Variants in PI4KA observed in about 807,000 individuals in gnomAD.
PI4KA encodes the protein phosphatidylinositol 4-kinase alpha, also known as PI4-kinase alpha.
A neutral mutation model predicts 271.4 loss-of-function variants in PI4KA; 122 were observed. The observed-to-expected ratio is 0.45, with a 90% CI of 0.39 to 0.52. PI4KA has a LOEUF of 0.52. PI4KA is among the 20% of genes least tolerant of loss of function. The probability of loss-of-function intolerance (pLI) is 0.00; values close to 1 mark genes in which losing one functional copy is unlikely to be tolerated. For missense variants in PI4KA, 1,969 were observed against 2,769.1 expected, an observed-to-expected ratio of 0.71 and a Z score of 6.48; for synonymous variants, 1,041 against 1,078.8, an observed-to-expected ratio of 0.96 and a Z score of 0.69.
At chr22:20,730,331 A>G (rs1214072658) in intron 36 of PI4KA, among the ~76,000 whole-genome samples, 1 of 151,992 alleles carries the variant, frequency 6.6e-6, no homozygotes, top group African/African-American at 2.4e-5. Flanking sequence ...GTGGAGTGCA[A>G]TGACGTGATC....
rs763087074 is a variant in PI4KA at position 20,770,534 on chromosome 22, A to AAAAAG, written c.2329-4842_2329-4841insCTTTT. 2.0e-4 allele frequency among the ~76,000 whole-genome samples: 15 copies of AAAAAG among 76,744 alleles called. 1 individual carries two copies. The highest frequency in any genetic ancestry group is 7.7e-4 in the South Asian group (2 of 2,596). 50.3% of individuals were successfully genotyped at this position (76,744 alleles called of 152,430 possible). On this transcript the variant is annotated intron_variant, in intron 19 of 54. Transcript: ENST00000255882. Reference sequence around the variant, plus strand: ...GTCTCAAAAAAAAAAAAAAAAAAAGAGAGAGAGAGAGATCGGTTTTGCTAT... The same window carrying AAAAAG: ...GTCTCAAAAAAAAAAAAAAAAAAAGAAAAAGGAGAGAGAGAGATCGGTTTTGCTAT...
chr22:20,717,268 T>C (rs946691873), intron 45 of PI4KA, among the ~76,000 whole-genome samples: 1 of 152,340 alleles, frequency 6.6e-6, no homozygotes, highest in East Asian at 1.9e-4. Flanking sequence ...AATTCCCATG[T>C]GGCCACAGCC....
At chr22:20,847,283 T>G (rs967537211) in intron 1 of PI4KA, among the ~76,000 whole-genome samples, 4 of 151,756 alleles carry the variant, frequency 2.6e-5, no homozygotes, top group African/African-American at 9.7e-5. Flanking sequence ...AAATAAAAGT[T>G]GAAGAAAAAT....
At chr22:20,815,051 T>C (rs928887471) in intron 7 of PI4KA, among the ~76,000 whole-genome samples, 5 of 151,912 alleles carry the variant, frequency 3.3e-5, no homozygotes, top group Non-Finnish European at 7.4e-5. Context: ...CCCAAAAGCA[T>C]ATAATTGTTT....
Position 20,814,212 on chromosome 22 carries a change from G to A in PI4KA, c.857-706C>T, listed in dbSNP as rs566319894. On this transcript the variant is annotated intron_variant, in intron 7 of 54. Coordinates refer to ENST00000255882, the MANE Select transcript of PI4KA (RefSeq NM_058004.4). ...AATGCACACTACTAGAAGTTTCAAA[G>A]TCAGAGCAACTAAGTGAAATACACC... Among the ~76,000 whole-genome samples, 188 of 152,156 alleles carry A rather than the reference G, an allele frequency of 1.2e-3. 1 individual carries two copies. The highest frequency in any genetic ancestry group is 4.4e-3 in the African/African-American group (183 of 41,514).
intron 18 of PI4KA, among the ~76,000 whole-genome samples, chr22:20,795,774 C>T (rs1203022859): frequency 6.6e-6 from 1 of 152,054 alleles, no homozygotes; most frequent in Non-Finnish European, 1.5e-5. Flanking sequence ...CTCATGTTGC[C>T]ACTGTGTTCT....
At chr22:20,797,783 A>G (rs165622) in intron 17 of PI4KA, among the ~76,000 whole-genome samples, 74,056 of 151,996 alleles carry the variant, frequency 0.49, 18,566 homozygotes, top group African/African-American at 0.59. Context: ...CTAAACTGAC[A>G]TGGAGAGAAT....
At position 20,719,034 on chromosome 22, in the gene PI4KA, G is replaced by A. The variant is rs1057034085; in HGVS notation, c.5117-212C>T. Among the ~76,000 whole-genome samples the A allele has an allele frequency of 6.6e-5, 10 of 152,210 alleles. No homozygotes were observed. In the East Asian group the frequency reaches 1.7e-3, roughly 26 times the overall value. On this transcript the variant is annotated intron_variant, in intron 43 of 54. Coordinates refer to ENST00000255882, the MANE Select transcript of PI4KA (RefSeq NM_058004.4). ...AGCTGGTGCCTAAGCGGAGCTCAAG[G>A]CAGGGGCCAAGCGCACAAGTGGACG...
intron 42 of PI4KA, among the ~76,000 whole-genome samples, chr22:20,722,182 T>G (rs950341367): frequency 4.6e-5 from 7 of 151,942 alleles, no homozygotes; most frequent in African/African-American, 1.7e-4. Context: ...TCGGGAAGTT[T>G]TTTTGTTTGT....
rs745625638 is a variant in PI4KA at position 20,718,796 on chromosome 22, A to G, written c.5143T>C (p.Leu1715=). 1.9e-6 allele frequency: 3 copies of G among 1,613,874 alleles called. No individual in the cohort carries two copies. Among genetic ancestry groups the G allele is most frequent in the East Asian group, 2.2e-5 (1 of 44,884 alleles). ...AAGGAGCCTGTGATCTCCTCTACCAACTGATCCAGGAGGTCGCCGATGTCA... is the reference window on the plus strand; with the variant it reads ...AAGGAGCCTGTGATCTCCTCTACCAGCTGATCCAGGAGGTCGCCGATGTCA... ...DPDIGDLLDQ[L]VEEITGSLSG... The change falls in exon 44 of 55, where the codon TTG becomes CTG. Residue 1715 remains leucine, a synonymous_variant. Transcript: ENST00000255882.
chr22:20,802,044 G>A lies in PI4KA; in HGVS notation c.1653C>T (p.Val551=). 6.2e-7 allele frequency: 1 copy of A among 1,614,048 alleles called. No homozygotes were observed. Among genetic ancestry groups the A allele is most frequent in the South Asian group, 1.1e-5 (1 of 91,076 alleles). ...TNEHSESTLN[V]MSGKKSQPSM... ...AGGGCTGGCTCTTCTTACCCGACAT[G>A]ACGTTCAGGGTTGACTCGGAATGCT... is the stretch of plus-strand genomic sequence containing the variant. Residue 551 remains valine (V), a synonymous_variant, in exon 14 of 55, where the codon GTC becomes GTT. Coordinates refer to ENST00000255882, the MANE Select transcript of PI4KA (RefSeq NM_058004.4).
chr22:20,821,286 T>A (rs1241456792), intron 4 of PI4KA, among the ~76,000 whole-genome samples: 1 of 151,770 alleles, frequency 6.6e-6, no homozygotes, highest in Non-Finnish European at 1.5e-5. Flanking sequence ...TGGCATGATC[T>A]TGGCTTACTG....
At chr22:20,790,655 T>G (rs1215289198) in intron 19 of PI4KA, among the ~76,000 whole-genome samples, 1 of 150,192 alleles carries the variant, frequency 6.7e-6, no homozygotes, top group Admixed American at 6.7e-5. Flanking sequence ...AGTGAGACTC[T>G]GTCTCAAAAA....
chr22:20,846,724 T>A (rs961578589), intron 1 of PI4KA, among the ~76,000 whole-genome samples: 3 of 149,766 alleles, frequency 2.0e-5, no homozygotes, highest in Non-Finnish European at 4.4e-5. Flanking sequence ...GCGTCTGTAG[T>A]CCCAGCTAAT....
Position 20,805,031 on chromosome 22 carries a change from A to T in PI4KA, c.1303T>A (p.Cys435Ser). The change falls in exon 11 of 55, where the codon TGT becomes AGT. Residue 435 changes from cysteine (C) to serine (S), a missense_variant. Cys to Ser is a moderately radical substitution (Grantham distance 112, BLOSUM62 -1). Around this residue, in one of 13 missense-constraint regions of PI4KA, gnomAD observed 540 missense variants for 555.5 expected, o/e 0.97. Coordinates refer to ENST00000255882, the MANE Select transcript of PI4KA (RefSeq NM_058004.4). ...HNELSPLKLR[C>S]QANAACVDLM... ...TCCACACAGGCAGCATTCGCCTGAC[A>T]GCGCAGTTTGAGGGGGCTCAGCTCA... 2 of 1,614,180 alleles carry T rather than the reference A, an allele frequency of 1.2e-6. No homozygotes were observed. Among genetic ancestry groups the T allele is most frequent in the Non-Finnish European group, 1.7e-6 (2 of 1,179,988 alleles).
intron 32 of PI4KA, among the ~76,000 whole-genome samples, chr22:20,738,897 C>A (rs1451601677): frequency 6.6e-6 from 1 of 151,986 alleles, no homozygotes; most frequent in African/African-American, 2.4e-5. Context: ...GAGGAGGAGC[C>A]ACCAGACATA....
intron 23 of PI4KA, among the ~76,000 whole-genome samples, chr22:20,754,757 G>C (rs751110704): frequency 3.9e-5 from 6 of 152,114 alleles, no homozygotes; most frequent in Non-Finnish European, 8.8e-5. Flanking sequence ...AGACCAGCCT[G>C]GCCAACATGG....
At chr22:20,712,927 A>G in intron 48 of PI4KA, 130 bp from the exon 49 acceptor site, 1 of 1,296,260 alleles carries the variant, frequency 7.7e-7, no homozygotes, top group Non-Finnish European at 1.1e-6. Context: ...GCCGAGCAAG[A>G]GTCTGGAAGG....
At chr22:20,744,389 C>T (rs1272610455) in intron 30 of PI4KA, among the ~76,000 whole-genome samples, 1 of 152,248 alleles carries the variant, frequency 6.6e-6, no homozygotes, top group Non-Finnish European at 1.5e-5. Context: ...TAAAAACCTT[C>T]ATTCAGTGTA....
Sources: gnomAD v4.1 joint callset for allele counts (sites outside exome capture counted in the v4.1 genomes callset) on GRCh38, gnomAD v4.1.1 for gene constraint, gnomAD v4.1.1 regional missense constraint, MANE v1.5 for transcripts, NCBI Gene and HGNC (gene_info 2026-07-23, HGNC 2026-07-21) for gene names.